Variants in EXOC6B observed in about 807,000 individuals in gnomAD.
The protein encoded by EXOC6B is exocyst complex component 6B.
A neutral mutation model predicts 113.5 loss-of-function variants in EXOC6B; 54 were observed. The observed-to-expected ratio is 0.48, with a 90% CI of 0.38 to 0.60. EXOC6B has a LOEUF of 0.60. Among genes scored for constraint, EXOC6B ranks in the 20% least tolerant of loss-of-function variants. The pLI is 0.00. For missense variants in EXOC6B, 797 were observed against 977.5 expected (o/e 0.82, Z 2.46); for synonymous variants, 357 against 339.0 (o/e 1.05, Z -0.58).
At chr2:72,347,425 AGCTATG>A (rs1332048279) in intron 19 of EXOC6B, among the ~76,000 whole-genome samples, 3 of 152,162 alleles carry the variant, frequency 2.0e-5, no homozygotes, top group Non-Finnish European at 2.9e-5. Context: ...ATATATCCGA[AGCTATG>A]GCTATCTGAA....
chr2:72,183,394 T>C (rs1427945878), intron 21 of EXOC6B, among the ~76,000 whole-genome samples: 1 of 152,112 alleles, frequency 6.6e-6, no homozygotes, highest in Non-Finnish European at 1.5e-5. Flanking sequence ...CTGGGTGACA[T>C]ATTTGTTAGC....
intron 20 of EXOC6B, among the ~76,000 whole-genome samples, chr2:72,319,841 C>CT (rs150881201): frequency 0.14 from 19,950 of 146,758 alleles, 1,546 homozygotes; most frequent in African/African-American, 0.22. Context: ...TATCAGCAAG[C>CT]TTTTTTTTTT....
chr2:72,506,003 T>G (rs894175587), intron 11 of EXOC6B, among the ~76,000 whole-genome samples: 3 of 152,100 alleles, frequency 2.0e-5, no homozygotes, highest in Admixed American at 1.3e-4. Flanking sequence ...TATATTAATA[T>G]TTGTTGTAAA....
At chr2:72,657,097 C>T (rs529246384) in intron 6 of EXOC6B, among the ~76,000 whole-genome samples, 4 of 151,782 alleles carry the variant, frequency 2.6e-5, no homozygotes, top group Admixed American at 1.3e-4. Flanking sequence ...GTGATCCGAC[C>T]GCCTTGGCCT....
chr2:72,210,902 C>G (rs1680146123), intron 20 of EXOC6B, among the ~76,000 whole-genome samples: 1 of 152,178 alleles, frequency 6.6e-6, no homozygotes, highest in Non-Finnish European at 1.5e-5. Flanking sequence ...AAGAGAACAA[C>G]CCTTGTTTAC....
intron 8 of EXOC6B, among the ~76,000 whole-genome samples, chr2:72,557,191 T>A (rs1703596547): frequency 6.7e-6 from 1 of 150,358 alleles, no homozygotes; most frequent in Non-Finnish European, 1.5e-5. Context: ...TATGACCATA[T>A]ATTACATATA....
At chr2:72,666,568 T>C (rs183115763) in intron 6 of EXOC6B, among the ~76,000 whole-genome samples, 111 of 151,880 alleles carry the variant, frequency 7.3e-4, no homozygotes, top group African/African-American at 2.6e-3. Flanking sequence ...CATCTAAAAA[T>C]GAAAAAAGAA....
Position 72,421,598 on chromosome 2 carries a change from A to G in EXOC6B, c.1981-41728T>C, listed in dbSNP as rs376394270. 2.7e-3 allele frequency among the ~76,000 whole-genome samples: 411 copies of G among 152,382 alleles called. 3 individuals are homozygous for G. The South Asian group carries it at 0.036, about 13-fold the overall frequency. On this transcript the variant is annotated intron_variant, in intron 18 of 21. Transcript: ENST00000272427. ...TGTAGTTTCAGAAATTTCCCAATAT[A>G]GCATTCACATACTTTATTCATAAAT...
chr2:72,413,676 C>T (rs1300209669), intron 18 of EXOC6B, among the ~76,000 whole-genome samples: 4 of 145,832 alleles, frequency 2.7e-5, no homozygotes, highest in South Asian at 4.2e-4. Flanking sequence ...AACAAGACTC[C>T]GCCTCAAAAA....
At chr2:72,723,284 T>C (rs1409091407) in intron 5 of EXOC6B, among the ~76,000 whole-genome samples, 1 of 152,034 alleles carries the variant, frequency 6.6e-6, no homozygotes, top group East Asian at 1.9e-4. Flanking sequence ...TTAACAGAGA[T>C]GCAATCAGAA....
intron 11 of EXOC6B, among the ~76,000 whole-genome samples, chr2:72,506,982 T>C (rs1330952477): frequency 6.6e-6 from 1 of 152,134 alleles, no homozygotes; most frequent in Non-Finnish European, 1.5e-5. Context: ...TTTAATATAT[T>C]GCTAAATTTA....
chr2:72,646,437 C>A (rs137879382), intron 6 of EXOC6B, among the ~76,000 whole-genome samples: 32,455 of 151,668 alleles, frequency 0.21, 5,610 homozygotes, highest in African/African-American at 0.48. Flanking sequence ...GGGAATCCTC[C>A]CTAACTCATT....
chr2:72,219,226 TG>T (rs1680720124), intron 20 of EXOC6B, among the ~76,000 whole-genome samples: 3 of 151,876 alleles, frequency 2.0e-5, no homozygotes, highest in African/African-American at 7.3e-5. Context: ...TAACCGTTAC[TG>T]GTCTCACTTT....
chr2:72,265,239 T>TTTATTA (rs58637794), intron 20 of EXOC6B, among the ~76,000 whole-genome samples: 5,005 of 146,828 alleles, frequency 0.034, 279 homozygotes, highest in African/African-American at 0.11. Context: ...TAACTATTCT[T>TTTATTA]TTATTATTAT....
chr2:72,274,407 C>T (rs1684685798), intron 20 of EXOC6B, among the ~76,000 whole-genome samples: 1 of 152,226 alleles, frequency 6.6e-6, no homozygotes, highest in Middle Eastern at 3.4e-3. Context: ...TGGACAAATA[C>T]AAAGTATTTT....
At chr2:72,291,247 A>G (rs556821452) in intron 20 of EXOC6B, among the ~76,000 whole-genome samples, 1 of 152,346 alleles carries the variant, frequency 6.6e-6, no homozygotes, top group Non-Finnish European at 1.5e-5. Flanking sequence ...CTGCAGCAGC[A>G]CAAGATATCT....
At chr2:72,261,710 C>T (rs555729879) in intron 20 of EXOC6B, among the ~76,000 whole-genome samples, 7 of 152,046 alleles carry the variant, frequency 4.6e-5, no homozygotes, top group Non-Finnish European at 7.4e-5. Context: ...ATATAGTTCT[C>T]GACAAGTTAT....
intron 8 of EXOC6B, among the ~76,000 whole-genome samples, chr2:72,532,757 G>A (rs896792363): frequency 1.4e-4 from 21 of 151,942 alleles, no homozygotes; most frequent in Non-Finnish European, 2.5e-4. Context: ...GCAGTGAGCC[G>A]ATATTGCGCC....
chr2:72,304,428 T>C (rs139326918), intron 20 of EXOC6B, among the ~76,000 whole-genome samples: 25 of 152,360 alleles, frequency 1.6e-4, no homozygotes, highest in African/African-American at 5.8e-4. Context: ...TATACTCTAA[T>C]TTATAGCTTC....
Sources: gnomAD v4.1 joint callset for allele counts (sites outside exome capture counted in the v4.1 genomes callset) on GRCh38, gnomAD v4.1.1 for gene constraint, MANE v1.5 for transcripts, NCBI Gene and HGNC (gene_info 2026-07-23, HGNC 2026-07-21) for gene names.